Variants in CDK6 observed in about 807,000 individuals in gnomAD.
CDK6 encodes the protein cyclin-dependent kinase 6.
In CDK6, 6 loss-of-function variants were observed where a neutral mutation model predicts 37.1. That is an observed-to-expected ratio of 0.16 (90% CI 0.09 to 0.32). The LOEUF (loss-of-function observed/expected upper bound fraction) is 0.32. Among genes scored for constraint, CDK6 ranks in the 10% least tolerant of loss-of-function variants. The probability of loss-of-function intolerance (pLI) is 1.00; values close to 1 mark genes in which losing one functional copy is unlikely to be tolerated. For synonymous variants in CDK6, 160 were observed against 161.3 expected (o/e 0.99, Z 0.06); for missense variants, 224 against 418.9 (o/e 0.53, Z 4.06).
At chr7:92,805,209 C>G (rs1456837880) in intron 2 of CDK6, among the ~76,000 whole-genome samples, 1 of 152,076 alleles carries the variant, frequency 6.6e-6, no homozygotes, top group Non-Finnish European at 1.5e-5. Flanking sequence ...TGTAATCTGC[C>G]CACTCCACAC....
chr7:92,817,259 C>T (rs1027994586), intron 2 of CDK6, among the ~76,000 whole-genome samples: 2 of 151,878 alleles, frequency 1.3e-5, no homozygotes, highest in African/African-American at 4.8e-5. Flanking sequence ...CAATATCATT[C>T]ATGAATATTC....
At chr7:92,641,295 AT>A (rs1796299532) in intron 5 of CDK6, among the ~76,000 whole-genome samples, 1 of 152,156 alleles carries the variant, frequency 6.6e-6, no homozygotes, top group Admixed American at 6.5e-5. Context: ...CTCTGTTATT[AT>A]TGATTGTCAG....
intron 2 of CDK6, among the ~76,000 whole-genome samples, chr7:92,781,523 A>G (rs1799991675): frequency 6.6e-6 from 1 of 152,264 alleles, no homozygotes; most frequent in Non-Finnish European, 1.5e-5. Flanking sequence ...GGGATTTCCA[A>G]AGATTACAAT....
At chr7:92,811,547 T>C (rs1800884860) in intron 2 of CDK6, among the ~76,000 whole-genome samples, 1 of 151,674 alleles carries the variant, frequency 6.6e-6, no homozygotes, top group Admixed American at 6.6e-5. Flanking sequence ...GAAGGTGGCA[T>C]TCAAGATGAC....
intron 2 of CDK6, among the ~76,000 whole-genome samples, chr7:92,800,373 C>G (rs1800538496): frequency 6.6e-6 from 1 of 152,180 alleles, no homozygotes; most frequent in African/African-American, 2.4e-5. Context: ...TACGATGTGT[C>G]TGTTTCTTTT....
chr7:92,776,858 T>C (rs778317357), intron 2 of CDK6, among the ~76,000 whole-genome samples: 41 of 152,198 alleles, frequency 2.7e-4, no homozygotes, highest in Non-Finnish European at 5.7e-4. Flanking sequence ...ATTCTGTAGG[T>C]TGCCCGTTCA....
Position 92,608,972 on chromosome 7 carries a change from A to G in CDK6, c.*6168T>C, listed in dbSNP as rs561595875. ...TTCAGACTGGCCACTGTTATAACAA[A>G]CCCTGGGGTGGAATTCGGCCTTTCG... is the stretch of plus-strand genomic sequence containing the variant. On this transcript the variant is annotated 3_prime_UTR_variant, in exon 8 of 8. Transcript: ENST00000424848. 3.7e-4 allele frequency: 85 copies of G among 232,752 alleles called. No homozygotes were observed. Among genetic ancestry groups the G allele is most frequent in the Non-Finnish European group, 5.9e-4 (70 of 117,838 alleles). 14.4% of individuals were successfully genotyped at this position (232,752 alleles called of 1,614,324 possible). A position where few individuals can be genotyped will look rare whatever the true frequency, so the allele number is the denominator to read the frequency against.
intron 3 of CDK6, among the ~76,000 whole-genome samples, chr7:92,768,119 G>C (rs1799627093): frequency 6.6e-6 from 1 of 152,116 alleles, no homozygotes; most frequent in Non-Finnish European, 1.5e-5. Context: ...GCCAGGGTAA[G>C]CTGGGGCAGA....
At chr7:92,652,907 T>C (rs1319378908) in intron 5 of CDK6, among the ~76,000 whole-genome samples, 4 of 152,210 alleles carry the variant, frequency 2.6e-5, no homozygotes, top group Non-Finnish European at 5.9e-5. Flanking sequence ...AAATAGAAAC[T>C]GAATCCTTGC....
At chr7:92,649,657 T>A (rs144897864) in intron 5 of CDK6, among the ~76,000 whole-genome samples, 4 of 152,216 alleles carry the variant, frequency 2.6e-5, no homozygotes, top group African/African-American at 9.6e-5. Flanking sequence ...AGTTTTATTA[T>A]CCATGTTCAC....
chr7:92,784,906 C>T (rs995705591), intron 2 of CDK6, among the ~76,000 whole-genome samples: 16 of 152,102 alleles, frequency 1.1e-4, no homozygotes, highest in South Asian at 6.2e-4. Context: ...ATTAGGAAAG[C>T]GTGGCATTCT....
chr7:92,642,036 T>G (rs1585360972), intron 5 of CDK6, among the ~76,000 whole-genome samples: 1 of 152,052 alleles, frequency 6.6e-6, no homozygotes, highest in Admixed American at 6.6e-5. Context: ...CTGTTTGGAG[T>G]TCCCCTGTGA....
At chr7:92,724,904 T>C (rs898634950) in intron 4 of CDK6, 24 of 533,528 alleles carry the variant, frequency 4.5e-5, no homozygotes, top group Middle Eastern at 9.3e-4. Flanking sequence ...GGCTGCTCTT[T>C]TTGTATTTGG....
chr7:92,688,610 C>T (rs983949263), intron 4 of CDK6, among the ~76,000 whole-genome samples: 7 of 151,408 alleles, frequency 4.6e-5, no homozygotes, highest in African/African-American at 1.7e-4. Context: ...CACACACACA[C>T]ACACACACAC....
At chr7:92,636,969 T>A (rs999779533) in intron 5 of CDK6, among the ~76,000 whole-genome samples, 2 of 152,204 alleles carry the variant, frequency 1.3e-5, no homozygotes, top group Admixed American at 6.5e-5. Context: ...CCCAGCCCGA[T>A]TGTATTTTCC....
At chr7:92,736,821 A>G (rs973294000) in intron 3 of CDK6, among the ~76,000 whole-genome samples, 1 of 152,226 alleles carries the variant, frequency 6.6e-6, no homozygotes, top group Non-Finnish European at 1.5e-5. Flanking sequence ...AGGCTATGAT[A>G]CTATTCTGAA....
intron 2 of CDK6, among the ~76,000 whole-genome samples, chr7:92,793,873 G>A (rs1396789334): frequency 6.6e-6 from 1 of 152,056 alleles, no homozygotes; most frequent in Non-Finnish European, 1.5e-5. Context: ...GGGGAAAAGT[G>A]GGGAATGGCT....
At chr7:92,622,416 A>ATT (rs1438168735) in intron 6 of CDK6, among the ~76,000 whole-genome samples, 2 of 152,230 alleles carry the variant, frequency 1.3e-5, no homozygotes, top group African/African-American at 4.8e-5. Flanking sequence ...GAACTCTAAT[A>ATT]GTAACAGTAA....
chr7:92,624,423 A>G (rs962551945), intron 5 of CDK6, among the ~76,000 whole-genome samples: 1 of 152,190 alleles, frequency 6.6e-6, no homozygotes, highest in East Asian at 1.9e-4. Flanking sequence ...CACACAGAGA[A>G]ATAAACATGT....
Sources: allele counts gnomAD v4.1 joint callset (sites outside exome capture counted in the v4.1 genomes callset), GRCh38; gene constraint gnomAD v4.1.1; transcripts MANE v1.5; gene names NCBI Gene and HGNC (gene_info 2026-07-23, HGNC 2026-07-21).